POM121: variants seen among roughly 807,000 people sequenced by gnomAD.
The protein encoded by POM121 is nuclear envelope pore membrane protein POM 121.
A neutral mutation model predicts 81.3 loss-of-function variants in POM121; 32 were observed. The observed-to-expected ratio is 0.39, with a 90% CI of 0.30 to 0.53. POM121 has a LOEUF of 0.53. Among genes scored for constraint, POM121 ranks in the 20% least tolerant of loss-of-function variants. The pLI is 0.66. For synonymous variants in POM121, 514 were observed against 694.2 expected, an observed-to-expected ratio of 0.74 and a Z score of 4.08; for missense variants, 1,138 against 1,614.6, an observed-to-expected ratio of 0.70 and a Z score of 5.06.
chr7:72,901,981 G>A (rs1792694756), intron 3 of POM121, among the ~76,000 whole-genome samples: 1 of 151,684 alleles, frequency 6.6e-6, no homozygotes, highest in Admixed American at 6.6e-5. Flanking sequence ...GCATGGTGGC[G>A]CATGCCTGTA....
chr7:72,892,741 C>A (rs1490048319), intron 3 of POM121, among the ~76,000 whole-genome samples: 1 of 152,000 alleles, frequency 6.6e-6, no homozygotes. Flanking sequence ...TCTCGGCTCA[C>A]TGCAGCCTCC....
rs146202408 is a variant in POM121 at position 72,931,341 on chromosome 7, T to A, written c.1275+1230T>A. ...TTAGCCTATACCGAAGTTGGGTGTT[T>A]CTTCAGAAAGCTTTGGTTTCTTCCA... On this transcript the variant is annotated intron_variant, in intron 5 of 12. Transcript: ENST00000434423. Among the ~76,000 whole-genome samples, 1,031 of 152,276 alleles carry A rather than the reference T, an allele frequency of 6.8e-3. 15 individuals carry two copies. Among genetic ancestry groups the A allele is most frequent in the African/African-American group, 0.024 (1,005 of 41,550 alleles).
At chr7:72,922,928 C>A (rs1488407406), upstream of POM121, among the ~76,000 whole-genome samples, 16 of 152,018 alleles carry the variant, frequency 1.1e-4, no homozygotes, top group African/African-American at 2.7e-4. Flanking sequence ...TTTAAAGAGC[C>A]CCTACTGACC....
chr7:72,934,533 G>A (rs1796328674), intron 5 of POM121, among the ~76,000 whole-genome samples: 1 of 151,996 alleles, frequency 6.6e-6, no homozygotes, highest in South Asian at 2.1e-4. Flanking sequence ...GTAGTATTCA[G>A]GAAATCTTTG....
chr7:72,890,235 A>G (rs1791168189), intron 1 of POM121, among the ~76,000 whole-genome samples: 1 of 152,250 alleles, frequency 6.6e-6, no homozygotes, highest in South Asian at 2.1e-4. Flanking sequence ...TGGGCACTCC[A>G]ACATGAGGAG....
intron 1 of POM121, among the ~76,000 whole-genome samples, 173 bp downstream of exon 1, chr7:72,925,938 A>T (rs1453052841): frequency 6.6e-6 from 1 of 152,072 alleles, no homozygotes; most frequent in Non-Finnish European, 1.5e-5. Context: ...TGACTCTTGG[A>T]ATGAGATGTT....
At chr7:72,904,503 G>A (rs1793039288) in intron 3 of POM121, among the ~76,000 whole-genome samples, 1 of 152,170 alleles carries the variant, frequency 6.6e-6, no homozygotes, top group Non-Finnish European at 1.5e-5. Context: ...TCGGGCAGCT[G>A]AGAACAGGAA....
Position 72,926,467 on chromosome 7 carries a change from C to T in POM121, c.850C>T (p.Arg284Cys), listed in dbSNP as rs782555375. The change falls in exon 2 of 13, where the codon CGT (arginine) becomes TGT (cysteine). Residue 284 changes from arginine (R) to cysteine (C), a missense_variant. Arg to Cys is a radical substitution (Grantham distance 180). This residue lies in a region of POM121 where 646 missense variants were observed against 633.5 expected (regional missense o/e 1.02). Transcript: ENST00000434423. ...CGCCCCTCCTGACAGAAGATTTTCG[C>T]GTTCTGCGATGTGAGTATTATCGTT... ...RIAPPDRRFS[R>C]SAIPEQIISS... The T allele has an allele frequency of 2.4e-5, 38 of 1,613,854 alleles. No homozygotes were observed. The highest frequency in any genetic ancestry group is 3.1e-5 in the Non-Finnish European group (37 of 1,179,878).
chr7:72,894,803 C>T (rs1459641217), intron 3 of POM121, among the ~76,000 whole-genome samples: 5 of 151,888 alleles, frequency 3.3e-5, no homozygotes, highest in African/African-American at 9.7e-5. Context: ...ACTACAGGTG[C>T]GCACAGCTGA....
intron 3 of POM121, among the ~76,000 whole-genome samples, chr7:72,903,252 A>G (rs1275648061): frequency 6.6e-6 from 1 of 152,188 alleles, no homozygotes; most frequent in Non-Finnish European, 1.5e-5. Flanking sequence ...TCTGGCCAAC[A>G]TGGTGAAACC....
intron 3 of POM121, among the ~76,000 whole-genome samples, chr7:72,911,027 G>T (rs182892012): frequency 6.6e-6 from 1 of 152,102 alleles, no homozygotes; most frequent in Admixed American, 6.6e-5. Context: ...GGCTATGTCC[G>T]CCAGGTTGGA....
intron 3 of POM121, among the ~76,000 whole-genome samples, chr7:72,896,660 TAAAA>T (rs1201350999): frequency 1.4e-5 from 2 of 144,678 alleles, no homozygotes; most frequent in Admixed American, 1.4e-4. Context: ...CCTGATTCTG[TAAAA>T]AAAGAAAGAA....
intron 5 of POM121, among the ~76,000 whole-genome samples, chr7:72,934,657 A>G (rs1554499129): frequency 6.6e-6 from 1 of 151,986 alleles, no homozygotes; most frequent in African/African-American, 2.4e-5. Flanking sequence ...TAATTTTTGT[A>G]TATGGTGTGA....
chr7:72,918,944 C>T (rs1350907519), intron 4 of POM121, among the ~76,000 whole-genome samples: 1 of 152,100 alleles, frequency 6.6e-6, no homozygotes, highest in Admixed American at 6.5e-5. Flanking sequence ...ATGACAGGCA[C>T]CCGCCACCAC....
intron 1 of POM121, 71 bp from the exon 2 acceptor site, chr7:72,926,191 G>C: frequency 1.4e-6 from 2 of 1,440,786 alleles, no homozygotes; most frequent in Non-Finnish European, 1.9e-6. Flanking sequence ...GAACTGGTGG[G>C]TTTTTAACCG....
At chr7:72,927,130 C>T (rs781895105) in intron 3 of POM121, among the ~76,000 whole-genome samples, 167 bp downstream of exon 3, 1 of 152,202 alleles carries the variant, frequency 6.6e-6, no homozygotes, top group Non-Finnish European at 1.5e-5. Flanking sequence ...TTTAATGCTG[C>T]TCTTTTCAAG....
At chr7:72,908,487 G>A (rs1554493781) in intron 3 of POM121, among the ~76,000 whole-genome samples, 1 of 152,234 alleles carries the variant, frequency 6.6e-6, no homozygotes, top group Non-Finnish European at 1.5e-5. Context: ...TGCTAATGAA[G>A]TTTTGGGCAT....
intron 3 of POM121, among the ~76,000 whole-genome samples, chr7:72,900,834 CTGTT>C (rs782508613): frequency 3.3e-5 from 5 of 151,668 alleles, no homozygotes; most frequent in Non-Finnish European, 7.4e-5. Flanking sequence ...TTCCTTCTTT[CTGTT>C]TGTTTTGTGG....
Position 72,948,099 on chromosome 7 carries a change from G to A in POM121, c.*1865G>A, listed in dbSNP as rs1797815650. 1 of 1,366,564 alleles carries A rather than the reference G, an allele frequency of 7.3e-7. No homozygotes were observed. The highest frequency in any genetic ancestry group is 1.5e-5 in the African/African-American group (1 of 67,674). 84.7% of individuals were successfully genotyped at this position (1,366,564 alleles called of 1,614,324 possible). ...GAGCTAGTTTACCTCAGTTCCGCAG[G>A]CAGGACAGCCGGTCCGGGAACCCTG... On this transcript the variant is annotated 3_prime_UTR_variant, in exon 13 of 13. Coordinates refer to ENST00000434423, the MANE Select transcript of POM121 (RefSeq NM_001387691.1).
Sources: gnomAD v4.1 joint callset for allele counts (sites outside exome capture counted in the v4.1 genomes callset) on GRCh38, gnomAD v4.1.1 for gene constraint, gnomAD v4.1.1 regional missense constraint, MANE v1.5 for transcripts, NCBI Gene and HGNC (gene_info 2026-07-23, HGNC 2026-07-21) for gene names.